Variants in SAMD5 observed in about 807,000 individuals in gnomAD.
SAMD5 encodes sterile alpha motif domain containing 5, also known as sterile alpha motif domain-containing protein 5.
In SAMD5, 13 loss-of-function variants were observed where a neutral mutation model predicts 11.3. That is an observed-to-expected ratio of 1.15 (90% CI 0.75 to 1.83). The LOEUF is 1.83. Ranked by LOEUF, SAMD5 falls within the 40% of genes most tolerant of loss-of-function variation. The pLI is 0.00. For missense variants in SAMD5, 255 were observed against 239.1 expected (o/e 1.07, Z -0.44); for synonymous variants, 129 against 111.3 (o/e 1.16, Z -1.00).
chr6:147,821,046 T>C, the SAMD5 span, among the ~76,000 whole-genome samples: 1 of 152,246 alleles, frequency 6.6e-6, no homozygotes, highest in East Asian at 1.9e-4. Flanking sequence ...CTTGTGCATG[T>C]AACTGCAGTG....
intron 1 of SAMD5, among the ~76,000 whole-genome samples, chr6:147,664,151 A>C (rs1482420506): frequency 1.3e-5 from 2 of 152,046 alleles, no homozygotes; most frequent in Non-Finnish European, 2.9e-5. Context: ...TCTCTATTTA[A>C]ATTTTCTGGT....
chr6:147,685,652 T>G (rs1051604654), intron 1 of SAMD5, among the ~76,000 whole-genome samples: 1 of 152,238 alleles, frequency 6.6e-6, no homozygotes. Flanking sequence ...CAACTATTTC[T>G]TCTCTAATTT....
At chr6:147,606,842 TCAGA>T (rs1157922759) in intron 1 of SAMD5, among the ~76,000 whole-genome samples, 1 of 151,902 alleles carries the variant, frequency 6.6e-6, no homozygotes, top group African/African-American at 2.4e-5. Context: ...ATTAGTGAAG[TCAGA>T]CAAATCCAGG....
intron 1 of SAMD5, among the ~76,000 whole-genome samples, chr6:147,678,517 A>G (rs1790896398): frequency 1.3e-5 from 2 of 151,956 alleles, no homozygotes; most frequent in Admixed American, 6.6e-5. Flanking sequence ...AATCAGGATA[A>G]TTTTCTTCCT....
intron 1 of SAMD5, among the ~76,000 whole-genome samples, chr6:147,692,781 T>C (rs1773156051): frequency 1.3e-5 from 2 of 152,208 alleles, no homozygotes; most frequent in African/African-American, 4.8e-5. Flanking sequence ...TCTGATCCAC[T>C]AATAAGTGTT....
the SAMD5 span, among the ~76,000 whole-genome samples, chr6:147,896,637 T>C: frequency 6.6e-6 from 1 of 151,220 alleles, no homozygotes; most frequent in African/African-American, 2.4e-5. Flanking sequence ...AACAATATTA[T>C]TTAAACTAAA....
chr6:147,852,662 C>T, the SAMD5 span, among the ~76,000 whole-genome samples: 1 of 152,174 alleles, frequency 6.6e-6, no homozygotes, highest in African/African-American at 2.4e-5. Context: ...CTGCTTCATA[C>T]TCTATGCTAA....
At chr6:147,658,654 A>G (rs1481662869) in intron 1 of SAMD5, among the ~76,000 whole-genome samples, 1 of 146,630 alleles carries the variant, frequency 6.8e-6, no homozygotes, top group Non-Finnish European at 1.5e-5. Context: ...GTCATCTCCT[A>G]CTGGGTTTTT....
chr6:147,660,339 T>C (rs1264023686), intron 1 of SAMD5, among the ~76,000 whole-genome samples: 2 of 152,180 alleles, frequency 1.3e-5, no homozygotes, highest in Admixed American at 6.5e-5. Context: ...CACCATGCCC[T>C]GGGAGACGGG....
chr6:147,840,268 C>T, the SAMD5 span, among the ~76,000 whole-genome samples: 26 of 152,170 alleles, frequency 1.7e-4, no homozygotes, highest in Admixed American at 1.0e-3. Flanking sequence ...TTCACTGATT[C>T]GTTCTACAAA....
At chr6:147,780,172 T>C in the SAMD5 span, among the ~76,000 whole-genome samples, 1 of 152,176 alleles carries the variant, frequency 6.6e-6, no homozygotes, top group East Asian at 1.9e-4. Context: ...GTAAAGATTC[T>C]CTCAGAATTT....
chr6:147,749,483 G>A, the SAMD5 span, among the ~76,000 whole-genome samples: 1 of 152,252 alleles, frequency 6.6e-6, no homozygotes, highest in Middle Eastern at 3.4e-3. Context: ...GTAATAATTT[G>A]TTGGGAGAGA....
At chr6:147,936,581 A>G in the SAMD5 span, among the ~76,000 whole-genome samples, 2 of 152,168 alleles carry the variant, frequency 1.3e-5, no homozygotes, top group East Asian at 3.9e-4. Context: ...ATCGCCTCCC[A>G]CCAGATCCCA....
rs572271837 is a variant in SAMD5 at position 147,569,206 on chromosome 6, G to T, written c.*4750G>T. 2.6e-3 allele frequency: 669 copies of T among 259,894 alleles called. 3 individuals carry two copies. Among genetic ancestry groups the T allele is most frequent in the African/African-American group, 0.015 (641 of 41,548 alleles). 16.1% of individuals were successfully genotyped at this position (259,894 alleles called of 1,614,324 possible). ...AGTGCGCTCCAGCCTGGGCAACAGA[G>T]TGAGACTCTGTCTAAAAAAAAAAAA... is the stretch of plus-strand genomic sequence containing the variant. On this transcript the variant is annotated 3_prime_UTR_variant, in exon 2 of 2. Transcript: ENST00000367474.
chr6:147,855,813 G>A, the SAMD5 span, among the ~76,000 whole-genome samples: 3 of 152,158 alleles, frequency 2.0e-5, no homozygotes, highest in African/African-American at 7.2e-5. Context: ...ATTTGAAAGA[G>A]AAAGACACAA....
chr6:147,509,209 G>A lies in SAMD5; in HGVS notation c.281G>A (p.Arg94His). The change falls in exon 1 of 2, where the codon CGC becomes CAC. Residue 94 changes from arginine (R) to histidine (H), a missense_variant. Arg to His is a conservative substitution (Grantham distance 29, BLOSUM62 0). Coordinates refer to ENST00000367474, the MANE Select transcript of SAMD5 (RefSeq NM_001030060.3). Reference sequence around the variant, plus strand: ...CCCGCCGACGCCGTCCCCACCGGCCGCCGGGGGGAGCCGTGCGGCGGCCCG... The same window carrying A: ...CCCGCCGACGCCGTCCCCACCGGCCACCGGGGGGAGCCGTGCGGCGGCCCG... ...GPPADAVPTG[R>H]RGEPCGGPAQ... is the part of the protein sequence containing the mutation. 7.7e-7 allele frequency: 1 copy of A among 1,303,890 alleles called. No homozygotes were observed. The highest frequency in any genetic ancestry group is 9.7e-7 in the Non-Finnish European group (1 of 1,026,464). 80.8% of individuals were successfully genotyped at this position (1,303,890 alleles called of 1,614,324 possible). A position where few individuals can be genotyped will look rare whatever the true frequency, so the allele number is the denominator to read the frequency against.
At chr6:147,656,118 C>A (rs1790562855) in intron 1 of SAMD5, among the ~76,000 whole-genome samples, 2 of 152,062 alleles carry the variant, frequency 1.3e-5, no homozygotes, top group African/African-American at 4.8e-5. Flanking sequence ...GGTGTTGGGA[C>A]AACTGGAAAG....
intron 1 of SAMD5, among the ~76,000 whole-genome samples, chr6:147,625,079 T>A (rs1172935735): frequency 6.6e-6 from 1 of 152,138 alleles, no homozygotes; most frequent in Non-Finnish European, 1.5e-5. Flanking sequence ...AGGTGCCTTT[T>A]GTTCCAGACC....
chr6:147,888,191 CT>C, the SAMD5 span, among the ~76,000 whole-genome samples: 1 of 152,096 alleles, frequency 6.6e-6, no homozygotes, highest in East Asian at 1.9e-4. Context: ...ATAGATCATG[CT>C]TTTGGCATTT....
Sources: gnomAD v4.1 joint callset for allele counts (sites outside exome capture counted in the v4.1 genomes callset) on GRCh38, gnomAD v4.1.1 for gene constraint, MANE v1.5 for transcripts, NCBI Gene and HGNC (gene_info 2026-07-23, HGNC 2026-07-21) for gene names.